Variants in PRKN observed in about 807,000 individuals in gnomAD.
PRKN encodes E3 ubiquitin-protein ligase parkin.
A neutral mutation model predicts 59.5 loss-of-function variants in PRKN; 56 were observed. The ratio of observed to expected loss-of-function variants is 0.94; its 90% confidence interval spans 0.76 to 1.18. PRKN has a LOEUF of 1.18. Among genes scored for constraint, PRKN ranks in the 50% most tolerant of loss-of-function variants. The pLI is 0.00. For missense variants in PRKN, 657 were observed against 596.4 expected (o/e 1.10, Z -1.06); for synonymous variants, 250 against 222.1 (o/e 1.13, Z -1.12).
chr6:161,524,430 C>T lies in PRKN; in HGVS notation c.1083+24424G>A, dbSNP rs548716517. On this transcript the variant is annotated intron_variant, in intron 9 of 11. Coordinates refer to ENST00000366898, the MANE Select transcript of PRKN (RefSeq NM_004562.3). ...GCATGAACATAGCTCACTGTAGTCT[C>T]GAACTCCTGGGCTCAAGTGATCCTC... Among the ~76,000 whole-genome samples the T allele has an allele frequency of 2.5e-4, 38 of 152,244 alleles. 1 individual carries two copies. In the South Asian group the frequency reaches 7.1e-3, roughly 28 times the overall value.
intron 7 of PRKN, among the ~76,000 whole-genome samples, chr6:161,758,379 A>G (rs1439899788): frequency 1.3e-5 from 2 of 152,210 alleles, no homozygotes; most frequent in African/African-American, 4.8e-5. Flanking sequence ...CATAAAATAT[A>G]CACAATTCAG....
chr6:162,233,668 AC>A (rs1383918393), intron 3 of PRKN, among the ~76,000 whole-genome samples: 5 of 152,248 alleles, frequency 3.3e-5, no homozygotes, highest in African/African-American at 1.2e-4. Flanking sequence ...TTCAAGAAAT[AC>A]TGGACGTGTC....
chr6:162,026,344 TA>T (rs1258686317), intron 5 of PRKN, among the ~76,000 whole-genome samples: 1 of 152,196 alleles, frequency 6.6e-6, no homozygotes, highest in East Asian at 1.9e-4. Context: ...TCTCTCATTG[TA>T]AATAGAGGCA....
At chr6:162,396,870 G>A (rs936570724) in intron 2 of PRKN, among the ~76,000 whole-genome samples, 2 of 152,032 alleles carry the variant, frequency 1.3e-5, no homozygotes, top group Admixed American at 6.6e-5. Context: ...GAAACCACAA[G>A]TCTGATGCAT....
intron 9 of PRKN, among the ~76,000 whole-genome samples, chr6:161,430,947 C>T (rs1261176719): frequency 1.3e-5 from 2 of 151,540 alleles, no homozygotes; most frequent in Non-Finnish European, 2.9e-5. Context: ...ACCAGCCTGG[C>T]CAACGTGGTG....
intron 2 of PRKN, among the ~76,000 whole-genome samples, chr6:162,269,244 C>T (rs1466636040): frequency 6.6e-6 from 1 of 152,096 alleles, no homozygotes; most frequent in African/African-American, 2.4e-5. Context: ...CAGACAATAC[C>T]GTCTTTAAGA....
chr6:162,720,731 T>C (rs1451099316), intron 1 of PRKN, among the ~76,000 whole-genome samples: 1 of 151,734 alleles, frequency 6.6e-6, no homozygotes, highest in African/African-American at 2.4e-5. Flanking sequence ...ATTACAGGCG[T>C]GAGCCACCGC....
At chr6:161,350,269 G>A (rs892587450) in intron 11 of PRKN, 58 bp from the exon 12 acceptor site, 2 of 1,194,216 alleles carry the variant, frequency 1.7e-6, no homozygotes, top group East Asian at 2.5e-5. Flanking sequence ...TGGAAAACAC[G>A]CATTCCCAAA....
chr6:161,401,927 C>T lies in PRKN; in HGVS notation c.1084-15050G>A, dbSNP rs1787069222. Among the ~76,000 whole-genome samples the T allele has an allele frequency of 6.6e-6, 1 of 152,276 alleles. No homozygotes were observed. Among genetic ancestry groups the T allele is most frequent in the South Asian group, 2.1e-4 (1 of 4,828 alleles). ...CACACACCAATCTCTGGAGCGGAAG[C>T]CGTTAATGCTTCTACTTATATTCTT... is the stretch of plus-strand genomic sequence containing the variant. On this transcript the variant is annotated intron_variant, in intron 9 of 11. Coordinates refer to ENST00000366898, the MANE Select transcript of PRKN (RefSeq NM_004562.3). The surrounding 1 kb of genome is among the most constrained non-coding windows in gnomAD (Gnocchi z 4.4).
rs150334954 is a variant in PRKN at position 161,763,869 on chromosome 6, G to A, written c.871+21903C>T. Among the ~76,000 whole-genome samples, 315 of 152,068 alleles carry A rather than the reference G, an allele frequency of 2.1e-3. 3 individuals carry two copies. Among genetic ancestry groups the A allele is most frequent in the Middle Eastern group, 3.4e-3 (1 of 294 alleles). On this transcript the variant is annotated intron_variant, in intron 7 of 11. Transcript: ENST00000366898. ...ACGCCTGCCTGCCCTTCCTCCACACGAGGCCCATCACGAGTCCCACTGAAT... is the reference window on the plus strand; with the variant it reads ...ACGCCTGCCTGCCCTTCCTCCACACAAGGCCCATCACGAGTCCCACTGAAT...
At chr6:162,453,697 G>A (rs1293480819) in intron 1 of PRKN, among the ~76,000 whole-genome samples, 6 of 152,156 alleles carry the variant, frequency 3.9e-5, no homozygotes, top group East Asian at 1.9e-4. Flanking sequence ...GAGGTCAGGA[G>A]TTCGAGACCA....
intron 7 of PRKN, among the ~76,000 whole-genome samples, chr6:161,648,482 C>A (rs1175994007): frequency 1.3e-5 from 2 of 152,186 alleles, no homozygotes; most frequent in Non-Finnish European, 2.9e-5. Flanking sequence ...AGTCTGTGGA[C>A]TTTCCTGCAA....
chr6:162,501,171 A>T (rs1215624657), intron 1 of PRKN, among the ~76,000 whole-genome samples: 1 of 152,158 alleles, frequency 6.6e-6, no homozygotes. Flanking sequence ...AATAATAGTA[A>T]TAAAAGGTGT....
chr6:161,999,217 A>C (rs867983469), intron 5 of PRKN, among the ~76,000 whole-genome samples: 11 of 152,120 alleles, frequency 7.2e-5, no homozygotes, highest in African/African-American at 2.7e-4. Flanking sequence ...GAACAAAATC[A>C]GTGTCAACTG....
At chr6:161,784,709 C>G (rs1335386650) in intron 7 of PRKN, among the ~76,000 whole-genome samples, 1 of 152,098 alleles carries the variant, frequency 6.6e-6, no homozygotes, top group African/African-American at 2.4e-5. Flanking sequence ...CTGTGGAACA[C>G]AGTGGGCAGT....
chr6:161,963,118 G>T (rs965183215), intron 6 of PRKN, among the ~76,000 whole-genome samples: 1 of 152,116 alleles, frequency 6.6e-6, no homozygotes, highest in Non-Finnish European at 1.5e-5. Context: ...ACCCCAGCCT[G>T]GGTGACAAGA....
chr6:162,021,186 T>TA (rs371554799), intron 5 of PRKN, among the ~76,000 whole-genome samples: 2 of 100,676 alleles, frequency 2.0e-5, no homozygotes, highest in African/African-American at 3.7e-5. Context: ...TGTATATATA[T>TA]TATATATATA....
At chr6:162,130,206 C>G (rs1357707371) in intron 4 of PRKN, among the ~76,000 whole-genome samples, 1 of 151,586 alleles carries the variant, frequency 6.6e-6, no homozygotes, top group African/African-American at 2.4e-5. Flanking sequence ...TTCGAATGCC[C>G]ACAAATGCCT....
At chr6:162,631,023 G>A (rs1044256539) in intron 1 of PRKN, among the ~76,000 whole-genome samples, 3 of 151,972 alleles carry the variant, frequency 2.0e-5, no homozygotes, top group Non-Finnish European at 2.9e-5. Flanking sequence ...AAGCATTTCC[G>A]GTAGAATTCT....
Sources: allele counts gnomAD v4.1 joint callset (sites outside exome capture counted in the v4.1 genomes callset), GRCh38; gene constraint gnomAD v4.1.1; non-coding constraint Gnocchi (gnomAD v3.1); transcripts MANE v1.5; gene names NCBI Gene and HGNC (gene_info 2026-07-23, HGNC 2026-07-21).